Variants in RFX3 observed in about 807,000 individuals in gnomAD.
RFX3 encodes the protein transcription factor RFX3.
Under a neutral mutation model 98.6 loss-of-function variants are expected in RFX3, and 14 were observed. The observed-to-expected ratio is 0.14, with a 90% CI of 0.09 to 0.22. RFX3 has a LOEUF of 0.22. Ranked by LOEUF, RFX3 falls within the 10% of genes least tolerant of loss-of-function variation. RFX3 has a pLI of 1.00. For missense variants in RFX3, 639 were observed against 926.9 expected (o/e 0.69, Z 4.03); for synonymous variants, 383 against 328.4 (o/e 1.17, Z -1.80).
chr9:3,364,511 C>A (rs1044937906), intron 2 of RFX3: 1 of 185,488 alleles, frequency 5.4e-6, no homozygotes, highest in South Asian at 1.1e-4. Context: ...TGAATTAAAT[C>A]CTCCAGGCAG....
In RFX3 at chr9:3,301,585, G is replaced by T. The variant is rs139724710; in HGVS notation, c.510C>A (p.Asp170Glu). ...EMAIETLQKS[D>E]GLSTHRSSLL... ...GAGAGCTTCTGTGAGTGGACAGACCGTCAGACTTTTGCAGCGTCTCAATCG... is the reference window on the plus strand; with the variant it reads ...GAGAGCTTCTGTGAGTGGACAGACCTTCAGACTTTTGCAGCGTCTCAATCG... Residue 170 changes from aspartate to glutamate, a missense_variant, in exon 5 of 17, where the codon GAC (aspartate) becomes GAA (glutamate). Transcript: ENST00000617270. 3.7e-6 allele frequency: 6 copies of T among 1,600,926 alleles called. No individual in the cohort carries two copies. Among genetic ancestry groups the T allele is most frequent in the South Asian group, 2.2e-5 (2 of 89,504 alleles).
chr9:3,289,199 G>A (rs1202299505), intron 6 of RFX3, among the ~76,000 whole-genome samples: 1 of 151,718 alleles, frequency 6.6e-6, no homozygotes, highest in African/African-American at 2.4e-5. Context: ...AGAAGAGTGT[G>A]GATTAAATAT....
At chr9:3,228,252 T>C (rs1039985221) in intron 16 of RFX3, among the ~76,000 whole-genome samples, 1 of 152,220 alleles carries the variant, frequency 6.6e-6, no homozygotes, top group Non-Finnish European at 1.5e-5. Context: ...CCTTGCTTTT[T>C]TTATTGTGTG....
In RFX3 at chr9:3,262,916, T is replaced by C. The variant is rs1293802916; in HGVS notation, c.1605+19A>G. 3 of 1,610,414 alleles carry C rather than the reference T, an allele frequency of 1.9e-6. No homozygotes were observed. The South Asian group carries it at 3.3e-5, about 18-fold the overall frequency. ...GGTATCTTTCCTTAAGAGACATGCTTTGCAAGGAAATAGAATACCTGGACA... is the reference window on the plus strand; with the variant it reads ...GGTATCTTTCCTTAAGAGACATGCTCTGCAAGGAAATAGAATACCTGGACA... On this transcript the variant is annotated intron_variant, in intron 13 of 16. Transcript: ENST00000617270.
chr9:3,433,471 G>C (rs1200802218), intron 1 of RFX3, among the ~76,000 whole-genome samples: 2 of 152,144 alleles, frequency 1.3e-5, no homozygotes, highest in Non-Finnish European at 2.9e-5. Context: ...ACATAATACA[G>C]ATAACATAGA....
intron 1 of RFX3, among the ~76,000 whole-genome samples, chr9:3,439,415 T>G (rs561117201): frequency 6.6e-6 from 1 of 151,974 alleles, no homozygotes; most frequent in East Asian, 1.9e-4. Context: ...CTGATAAACC[T>G]CTAGACAGAC....
At chr9:3,374,005 G>C (rs1463635057) in intron 2 of RFX3, among the ~76,000 whole-genome samples, 1 of 152,088 alleles carries the variant, frequency 6.6e-6, no homozygotes, top group African/African-American at 2.4e-5. Context: ...TTGAACCCGA[G>C]AGGCAGAGGT....
At chr9:3,517,924 A>C (rs1024856995) in intron 1 of RFX3, among the ~76,000 whole-genome samples, 1 of 152,210 alleles carries the variant, frequency 6.6e-6, no homozygotes, top group African/African-American at 2.4e-5. Flanking sequence ...CACATCCCAT[A>C]ACAAAATGGA....
intron 4 of RFX3, among the ~76,000 whole-genome samples, chr9:3,320,258 C>T (rs764123951): frequency 6.6e-6 from 1 of 152,030 alleles, no homozygotes; most frequent in Non-Finnish European, 1.5e-5. Flanking sequence ...TTCCTAAAGA[C>T]ATCTTTAGGA....
At chr9:3,420,951 C>A (rs902377774) in intron 1 of RFX3, 4 of 971,254 alleles carry the variant, frequency 4.1e-6, no homozygotes, top group African/African-American at 1.9e-5. Flanking sequence ...TCTGTGGCTA[C>A]AACAGAAACT....
intron 1 of RFX3, among the ~76,000 whole-genome samples, chr9:3,434,212 C>T (rs1844913163): frequency 6.6e-6 from 1 of 152,104 alleles, no homozygotes; most frequent in South Asian, 2.1e-4. Flanking sequence ...TATTTACTAT[C>T]TGGCCTGAGT....
chr9:3,398,342 A>AC (rs902832007), intron 1 of RFX3, among the ~76,000 whole-genome samples: 5 of 143,552 alleles, frequency 3.5e-5, no homozygotes, highest in African/African-American at 8.9e-5. Flanking sequence ...CAGGAAACAA[A>AC]AAAAAAAAAT....
chr9:3,244,485 T>C (rs1820375169), intron 15 of RFX3, among the ~76,000 whole-genome samples: 1 of 152,218 alleles, frequency 6.6e-6, no homozygotes, highest in Non-Finnish European at 1.5e-5. Flanking sequence ...TCTTGTCTGT[T>C]GCATTTGACA....
At chr9:3,284,443 A>C (rs757743673) in intron 7 of RFX3, among the ~76,000 whole-genome samples, 3 of 151,710 alleles carry the variant, frequency 2.0e-5, no homozygotes, top group African/African-American at 4.8e-5. Context: ...GTGCAAAAAA[A>C]TTATTTTCAT....
At chr9:3,366,714 CTTTCT>C (rs1277456094) in intron 2 of RFX3, among the ~76,000 whole-genome samples, 35 of 94,628 alleles carry the variant, frequency 3.7e-4, no homozygotes, top group African/African-American at 1.1e-3. Context: ...TTCTTTCTTT[CTTTCT>C]TTCTTTCTTT....
At chr9:3,313,242 CCAAA>C (rs1830175375) in intron 4 of RFX3, among the ~76,000 whole-genome samples, 1 of 152,118 alleles carries the variant, frequency 6.6e-6, no homozygotes, top group South Asian at 2.1e-4. Context: ...CTGGTGATAC[CCAAA>C]CAAACAGGGT....
intron 1 of RFX3, among the ~76,000 whole-genome samples, chr9:3,445,057 T>G (rs1421383325): frequency 6.6e-6 from 1 of 152,168 alleles, no homozygotes; most frequent in Non-Finnish European, 1.5e-5. Flanking sequence ...TCATGAAACT[T>G]AAAGCCATCA....
chr9:3,424,424 C>CT (rs1843787640), intron 1 of RFX3, among the ~76,000 whole-genome samples: 6 of 131,288 alleles, frequency 4.6e-5, no homozygotes, highest in South Asian at 2.5e-4. Context: ...TGCAGTGGCG[C>CT]GATCTCGACT....
At chr9:3,370,453 G>A (rs1352977567) in intron 2 of RFX3, among the ~76,000 whole-genome samples, 3 of 151,352 alleles carry the variant, frequency 2.0e-5, no homozygotes, top group South Asian at 2.1e-4. Context: ...AATCTTCTAT[G>A]AAGTACATGA....
Sources: gnomAD v4.1 joint callset for allele counts (sites outside exome capture counted in the v4.1 genomes callset) on GRCh38, gnomAD v4.1.1 for gene constraint, MANE v1.5 for transcripts, NCBI Gene and HGNC (gene_info 2026-07-23, HGNC 2026-07-21) for gene names.